The following FAM135B variants were observed in gnomAD, a reference collection of about 807,000 sequenced individuals.
The protein encoded by FAM135B is protein FAM135B.
FAM135B carries 43 observed loss-of-function variants against 127.7 expected under a neutral mutation model. That is an observed-to-expected ratio of 0.34 (90% CI 0.26 to 0.43). The LOEUF (loss-of-function observed/expected upper bound fraction) is 0.43. FAM135B is among the 20% of genes least tolerant of loss of function. FAM135B has a pLI of 1.00. For missense variants in FAM135B, 1,558 were observed against 1,725.6 expected, an observed-to-expected ratio of 0.90 and a Z score of 1.72; for synonymous variants, 670 against 665.1, an observed-to-expected ratio of 1.01 and a Z score of -0.11.
chr8:138,327,051 T>C (rs540189831), intron 2 of FAM135B, among the ~76,000 whole-genome samples: 2 of 152,302 alleles, frequency 1.3e-5, no homozygotes, highest in South Asian at 2.1e-4. Context: ...CCCATATAAT[T>C]GAACACAATT....
chr8:138,135,926 C>T (rs1816619987), intron 19 of FAM135B, among the ~76,000 whole-genome samples: 1 of 151,900 alleles, frequency 6.6e-6, no homozygotes, highest in African/African-American at 2.4e-5. Context: ...TAACATTTAT[C>T]ATGAACACAC....
At chr8:138,424,518 T>C (rs145640048) in intron 1 of FAM135B, among the ~76,000 whole-genome samples, 568 of 152,328 alleles carry the variant, frequency 3.7e-3, no homozygotes, top group African/African-American at 0.013. Flanking sequence ...CTTGACAAAG[T>C]AGTTTCTTAG....
intron 2 of FAM135B, among the ~76,000 whole-genome samples, chr8:138,334,709 C>T (rs1334903635): frequency 6.6e-6 from 1 of 152,178 alleles, no homozygotes; most frequent in Non-Finnish European, 1.5e-5. Flanking sequence ...CATGTCCCTG[C>T]AAAGAACATG....
intron 1 of FAM135B, among the ~76,000 whole-genome samples, chr8:138,447,328 T>A (rs900120214): frequency 6.6e-6 from 1 of 151,956 alleles, no homozygotes; most frequent in Non-Finnish European, 1.5e-5. Context: ...GGATTATAAA[T>A]CATGCTGCTA....
intron 2 of FAM135B, among the ~76,000 whole-genome samples, chr8:138,344,981 C>A (rs1242898475): frequency 6.6e-6 from 1 of 152,156 alleles, no homozygotes; most frequent in Admixed American, 6.5e-5. Flanking sequence ...TGTTCTCCCA[C>A]GGGACTGATG....
At chr8:138,370,090 C>A (rs1008054486) in intron 1 of FAM135B, among the ~76,000 whole-genome samples, 53 of 152,280 alleles carry the variant, frequency 3.5e-4, no homozygotes, top group African/African-American at 1.2e-3. Context: ...TGGCCCCGAG[C>A]CACACAGACA....
intron 1 of FAM135B, among the ~76,000 whole-genome samples, chr8:138,389,655 G>A (rs146308394): frequency 6.5e-4 from 99 of 152,312 alleles, no homozygotes; most frequent in African/African-American, 2.2e-3. Flanking sequence ...GGGGCTAGGG[G>A]AAAAGGGGAG....
chr8:138,429,720 C>G lies in FAM135B; in HGVS notation c.-19-61718G>C, dbSNP rs145316428. Among the ~76,000 whole-genome samples, 426 of 152,260 alleles carry G rather than the reference C, an allele frequency of 2.8e-3. 1 individual carries two copies. The highest frequency in any genetic ancestry group is 4.5e-3 in the Non-Finnish European group (303 of 68,024). ...AAACACTAGCTTACAAGTAGAACAG[C>G]AGAGGCAGAGATGTTGGCGGCCAGT... On this transcript the variant is annotated intron_variant, in intron 1 of 19. Coordinates refer to ENST00000395297, the MANE Select transcript of FAM135B (RefSeq NM_015912.4).
intron 12 of FAM135B, among the ~76,000 whole-genome samples, chr8:138,164,187 G>A (rs1819679527): frequency 6.6e-6 from 1 of 152,144 alleles, no homozygotes; most frequent in Non-Finnish European, 1.5e-5. Flanking sequence ...TCATCAAAAT[G>A]CTTTGTGAGA....
intron 1 of FAM135B, chr8:138,477,605 A>C (rs1372182464): frequency 6.6e-6 from 1 of 152,202 alleles, no homozygotes; most frequent in South Asian, 2.1e-4. Flanking sequence ...ACTAGCAGGC[A>C]CTACTAGTTT....
At chr8:138,387,443 C>T (rs1244305066) in intron 1 of FAM135B, among the ~76,000 whole-genome samples, 1 of 152,180 alleles carries the variant, frequency 6.6e-6, no homozygotes, top group Non-Finnish European at 1.5e-5. Flanking sequence ...GATAAGCCCA[C>T]CTCTCCACCC....
rs78109925 is a variant in FAM135B at position 138,472,853 on chromosome 8, T to C, written c.-20+23818A>G. ...TGATTTGTCCCTGCTGATTGGTCTG[T>C]TAATGCAGATGCATTGATTGACACC... On this transcript the variant is annotated intron_variant, in intron 1 of 19. Coordinates refer to ENST00000395297, the MANE Select transcript of FAM135B (RefSeq NM_015912.4). 4.6e-3 allele frequency among the ~76,000 whole-genome samples: 705 copies of C among 152,246 alleles called. 4 individuals carry two copies. The highest frequency in any genetic ancestry group is 0.016 in the African/African-American group (673 of 41,560).
intron 1 of FAM135B, among the ~76,000 whole-genome samples, chr8:138,429,390 C>T (rs1172940719): frequency 3.3e-5 from 5 of 152,164 alleles, no homozygotes; most frequent in African/African-American, 7.2e-5. Context: ...TGCTGCTATC[C>T]TTGTGGCTAC....
At chr8:138,442,431 G>A (rs1835859566) in intron 1 of FAM135B, among the ~76,000 whole-genome samples, 1 of 151,478 alleles carries the variant, frequency 6.6e-6, no homozygotes, top group African/African-American at 2.4e-5. Flanking sequence ...ATCCTTTGAA[G>A]TGAATGCTGT....
chr8:138,494,648 T>C (rs1564042494), intron 1 of FAM135B, among the ~76,000 whole-genome samples: 1 of 152,204 alleles, frequency 6.6e-6, no homozygotes, highest in South Asian at 2.1e-4. Flanking sequence ...CCAGAAATTA[T>C]AATTCCTTCA....
At chr8:138,221,524 ATGCAAAT>A (rs1318998624) in intron 7 of FAM135B, among the ~76,000 whole-genome samples, 3 of 152,198 alleles carry the variant, frequency 2.0e-5, no homozygotes, top group Admixed American at 6.5e-5. Flanking sequence ...AGAAGACAGA[ATGCAAAT>A]TGCAGGGAGT....
intron 2 of FAM135B, among the ~76,000 whole-genome samples, chr8:138,318,786 C>A (rs901847873): frequency 2.6e-5 from 4 of 152,170 alleles, no homozygotes; most frequent in Non-Finnish European, 5.9e-5. Context: ...TATTGAACTT[C>A]AGATACTTTA....
At chr8:138,279,213 G>A (rs910950420) in intron 3 of FAM135B, among the ~76,000 whole-genome samples, 18 of 152,094 alleles carry the variant, frequency 1.2e-4, no homozygotes, top group East Asian at 3.9e-4. Context: ...TTGCTCCCTC[G>A]TCTGTTTCCA....
rs146103516 is a variant in FAM135B, at chr8:138,195,240, C to G, written c.873+18G>C. On this transcript the variant is annotated intron_variant, in intron 9 of 19. Transcript: ENST00000395297. ...CTACTGCCATTCATTCAGACCCCAG[C>G]GCCAGTTCTCCAATTACCTGTAGCT... is the stretch of plus-strand genomic sequence containing the variant. 33 of 1,612,632 alleles carry G rather than the reference C, an allele frequency of 2.0e-5. No homozygotes were observed. The highest frequency in any genetic ancestry group is 2.3e-5 in the Non-Finnish European group (27 of 1,179,342).
Sources: gnomAD v4.1 joint callset for allele counts (sites outside exome capture counted in the v4.1 genomes callset) on GRCh38, gnomAD v4.1.1 for gene constraint, MANE v1.5 for transcripts, NCBI Gene and HGNC (gene_info 2026-07-23, HGNC 2026-07-21) for gene names.